ADAMTS17: variants seen among roughly 807,000 people sequenced by gnomAD.
ADAMTS17 encodes the protein A disintegrin and metalloproteinase with thrombospondin motifs 17.
In ADAMTS17, 113 loss-of-function variants were observed where a neutral mutation model predicts 141.5. The ratio of observed to expected loss-of-function variants is 0.80; its 90% CI spans 0.69 to 0.93. The LOEUF (loss-of-function observed/expected upper bound fraction) is 0.93, where lower values mean the gene tolerates loss of function less well. Among genes scored for constraint, ADAMTS17 ranks in the 40% least tolerant of loss-of-function variants. The pLI is 0.00. For synonymous variants in ADAMTS17, 768 were observed against 630.6 expected (o/e 1.22, Z -3.27); for missense variants, 1,659 against 1,517.9 (o/e 1.09, Z -1.54).
intron 15 of ADAMTS17, among the ~76,000 whole-genome samples, chr15:100,091,105 C>T (rs1277909444): frequency 6.6e-6 from 1 of 151,314 alleles, no homozygotes; most frequent in Admixed American, 6.6e-5. Context: ...CTGCCTCGAG[C>T]TCACAGTCCT....
intron 14 of ADAMTS17, among the ~76,000 whole-genome samples, chr15:100,101,078 G>A (rs2141045277): frequency 6.6e-6 from 1 of 152,276 alleles, no homozygotes; most frequent in East Asian, 1.9e-4. Flanking sequence ...GCTCCTTTGT[G>A]CCAGCCTCCG....
At chr15:100,090,691 C>A (rs554734797) in intron 15 of ADAMTS17, among the ~76,000 whole-genome samples, 1 of 152,150 alleles carries the variant, frequency 6.6e-6, no homozygotes. Flanking sequence ...AACCGTCCTA[C>A]GACAAGTTTC....
intron 8 of ADAMTS17, among the ~76,000 whole-genome samples, chr15:100,166,467 C>T (rs544971194): frequency 6.6e-6 from 1 of 152,300 alleles, no homozygotes; most frequent in East Asian, 1.9e-4. Flanking sequence ...GTTCCCATAT[C>T]GACTGGAAAT....
intron 4 of ADAMTS17, among the ~76,000 whole-genome samples, chr15:100,263,895 C>T (rs1309937010): frequency 6.6e-6 from 1 of 152,224 alleles, no homozygotes; most frequent in Non-Finnish European, 1.5e-5. Context: ...CGGTAGACAG[C>T]ATCACCAGGG....
At chr15:100,102,327 G>C (rs1194921672) in intron 14 of ADAMTS17, among the ~76,000 whole-genome samples, 1 of 150,028 alleles carries the variant, frequency 6.7e-6, no homozygotes, top group East Asian at 2.0e-4. Context: ...ATCTACATTT[G>C]AGGGCCGACC....
At chr15:100,077,724 G>T (rs2034475857) in intron 15 of ADAMTS17, among the ~76,000 whole-genome samples, 1 of 152,162 alleles carries the variant, frequency 6.6e-6, no homozygotes, top group African/African-American at 2.4e-5. Flanking sequence ...AGGACGTCCT[G>T]CTACTCCCAT....
intron 13 of ADAMTS17, among the ~76,000 whole-genome samples, chr15:100,112,926 T>G (rs1485674151): frequency 6.6e-6 from 1 of 152,160 alleles, no homozygotes; most frequent in Non-Finnish European, 1.5e-5. Context: ...CACTCGTGGC[T>G]CTCAGCAGTC....
intron 8 of ADAMTS17, among the ~76,000 whole-genome samples, chr15:100,191,256 G>A (rs1037422302): frequency 6.6e-6 from 1 of 152,234 alleles, no homozygotes; most frequent in Non-Finnish European, 1.5e-5. Context: ...CACAGCGTGT[G>A]TAACCTGCCT....
At chr15:100,163,139 A>G (rs1216709261) in intron 8 of ADAMTS17, among the ~76,000 whole-genome samples, 5 of 151,786 alleles carry the variant, frequency 3.3e-5, no homozygotes, top group Non-Finnish European at 5.9e-5. Context: ...CTACACTTAC[A>G]CGTACGTACA....
At chr15:100,040,807 G>A (rs1297969366) in intron 18 of ADAMTS17, among the ~76,000 whole-genome samples, 2 of 151,984 alleles carry the variant, frequency 1.3e-5, no homozygotes, top group Non-Finnish European at 2.9e-5. Context: ...CCTGAAATTT[G>A]TGTCAGAAAA....
At chr15:100,152,871 A>T in intron 9 of ADAMTS17, 109 bp from the exon 10 acceptor site, 1 of 1,426,334 alleles carries the variant, frequency 7.0e-7, no homozygotes, top group Non-Finnish European at 9.5e-7. Context: ...GGGCACCTCC[A>T]CGTTCCTTAT....
At chr15:100,003,908 C>T (rs12904962) in intron 18 of ADAMTS17, among the ~76,000 whole-genome samples, 70,612 of 152,074 alleles carry the variant, frequency 0.46, 17,855 homozygotes, top group Non-Finnish European at 0.57. Flanking sequence ...AGACCTTCAG[C>T]TGAAGAAGAT....
At chr15:100,300,159 G>A (rs2044978341) in intron 3 of ADAMTS17, among the ~76,000 whole-genome samples, 1 of 152,112 alleles carries the variant, frequency 6.6e-6, no homozygotes, top group African/African-American at 2.4e-5. Context: ...GCCCAGGGCT[G>A]TTTACAGTCA....
At chr15:100,301,795 C>CT (rs759389271) in intron 3 of ADAMTS17, among the ~76,000 whole-genome samples, 1 of 152,118 alleles carries the variant, frequency 6.6e-6, no homozygotes, top group Admixed American at 6.5e-5. Context: ...AATTTAGCAT[C>CT]TTTTTTTCTC....
At chr15:100,008,521 C>T (rs1393731631) in intron 18 of ADAMTS17, among the ~76,000 whole-genome samples, 2 of 152,170 alleles carry the variant, frequency 1.3e-5, no homozygotes, top group African/African-American at 4.8e-5. Context: ...GGCCCGGGGG[C>T]CCAGGAGGAC....
At chr15:100,014,135 TTATC>T (rs1254968821) in intron 18 of ADAMTS17, among the ~76,000 whole-genome samples, 1 of 152,174 alleles carries the variant, frequency 6.6e-6, no homozygotes, top group African/African-American at 2.4e-5. Flanking sequence ...TTCCAAGAAT[TTATC>T]TATCTCTTCT....
chr15:100,300,755 C>G (rs944228779), intron 3 of ADAMTS17, among the ~76,000 whole-genome samples: 7 of 152,240 alleles, frequency 4.6e-5, no homozygotes, highest in African/African-American at 1.7e-4. Context: ...GTTCCAGCAT[C>G]TCATCTCTTG....
intron 18 of ADAMTS17, among the ~76,000 whole-genome samples, chr15:100,008,924 G>A (rs1020344260): frequency 2.6e-5 from 4 of 152,074 alleles, no homozygotes; most frequent in Non-Finnish European, 4.4e-5. Flanking sequence ...CTGCAGCCTC[G>A]ACCTCTTGGG....
At chr15:100,038,504 A>C (rs576606531) in intron 18 of ADAMTS17, among the ~76,000 whole-genome samples, 1 of 150,102 alleles carries the variant, frequency 6.7e-6, no homozygotes, top group African/African-American at 2.5e-5. Flanking sequence ...ATGAATGTCT[A>C]TTTGAGATAT....
Sources: allele counts gnomAD v4.1 joint callset (sites outside exome capture counted in the v4.1 genomes callset), GRCh38; gene constraint gnomAD v4.1.1; transcripts MANE v1.5; gene names NCBI Gene and HGNC (gene_info 2026-07-23, HGNC 2026-07-21).